The following PTPRD variants were observed in gnomAD, a reference collection of about 807,000 sequenced individuals.
PTPRD encodes the protein receptor-type tyrosine-protein phosphatase delta.
In PTPRD, 34 loss-of-function variants were observed where a neutral mutation model predicts 214.5. That is an observed-to-expected ratio of 0.16 (90% CI 0.12 to 0.21). The LOEUF (loss-of-function observed/expected upper bound fraction) is 0.21, where lower values mean the gene tolerates loss of function less well. Among genes scored for constraint, PTPRD ranks in the 10% least tolerant of loss-of-function variants. The pLI is 1.00. For missense variants in PTPRD, 2,545 were observed against 2,398.7 expected (o/e 1.06, Z -1.27); for synonymous variants, 1,128 against 845.7 (o/e 1.33, Z -5.79).
At chr9:8,635,184 T>C (rs1381174111) in intron 13 of PTPRD, among the ~76,000 whole-genome samples, 2 of 150,632 alleles carry the variant, frequency 1.3e-5, no homozygotes, top group Admixed American at 1.3e-4. Flanking sequence ...ACCCCAAAGG[T>C]GTTTATATGA....
chr9:10,193,502 G>A (rs1281389063), intron 3 of PTPRD, among the ~76,000 whole-genome samples: 1 of 152,074 alleles, frequency 6.6e-6, no homozygotes, highest in African/African-American at 2.4e-5. Context: ...GCAAACAAAT[G>A]TAAAAGCGGG....
intron 7 of PTPRD, among the ~76,000 whole-genome samples, chr9:9,609,118 A>G (rs1564028063): frequency 6.6e-6 from 1 of 152,204 alleles, no homozygotes; most frequent in Admixed American, 6.5e-5. Context: ...CAATTTGTGC[A>G]CATATACTTA....
chr9:8,621,073 G>C (rs2154300455), intron 14 of PTPRD, among the ~76,000 whole-genome samples: 1 of 152,050 alleles, frequency 6.6e-6, no homozygotes, highest in African/African-American at 2.4e-5. Context: ...ATACTAGTAA[G>C]TCTTCCCGGG....
At chr9:9,224,116 C>T (rs1395674301) in intron 9 of PTPRD, among the ~76,000 whole-genome samples, 2 of 152,082 alleles carry the variant, frequency 1.3e-5, no homozygotes, top group East Asian at 3.9e-4. Context: ...TTGGAGATTT[C>T]CTCAAGATTC....
intron 13 of PTPRD, among the ~76,000 whole-genome samples, chr9:8,634,963 G>C (rs1486320611): frequency 1.3e-5 from 2 of 150,874 alleles, no homozygotes; most frequent in Admixed American, 6.6e-5. Flanking sequence ...ACTTAGCACT[G>C]GGGATAGAAG....
At chr9:10,124,506 G>A (rs1052711761) in intron 3 of PTPRD, among the ~76,000 whole-genome samples, 1 of 152,094 alleles carries the variant, frequency 6.6e-6, no homozygotes, top group Non-Finnish European at 1.5e-5. Flanking sequence ...TGGATAAATA[G>A]CCAAGGATTT....
At chr9:10,504,186 AG>A (rs2045083234) in intron 2 of PTPRD, among the ~76,000 whole-genome samples, 1 of 148,530 alleles carries the variant, frequency 6.7e-6, no homozygotes, top group Admixed American at 6.8e-5. Flanking sequence ...TTGAGTCTAA[AG>A]CCAAAGGCGG....
chr9:10,346,901 T>A (rs868825598), intron 2 of PTPRD, among the ~76,000 whole-genome samples: 45 of 152,194 alleles, frequency 3.0e-4, no homozygotes, highest in African/African-American at 1.0e-3. Context: ...TCTGTCTAAT[T>A]ATCAATTTGT....
intron 9 of PTPRD, among the ~76,000 whole-genome samples, chr9:9,287,518 G>C (rs1194171505): frequency 3.3e-5 from 5 of 151,838 alleles, no homozygotes; most frequent in African/African-American, 1.2e-4. Flanking sequence ...AAATTACTCA[G>C]TACGTTATCA....
rs145467964 is a variant in PTPRD, at chr9:10,380,244, C to T, written c.-599-39227G>A. On this transcript the variant is annotated intron_variant, in intron 2 of 45. Transcript: ENST00000381196. ...GAAAGCATAATATCAAAAAGGAAAA[C>T]GCTGTCTTTCCTAAAACGCTTTGCT... 8.9e-4 allele frequency among the ~76,000 whole-genome samples: 135 copies of T among 152,124 alleles called. 1 individual carries two copies. Among genetic ancestry groups the T allele is most frequent in the African/African-American group, 3.2e-3 (131 of 41,548 alleles).
At chr9:9,425,226 T>C (rs1034690783) in intron 8 of PTPRD, among the ~76,000 whole-genome samples, 4 of 151,920 alleles carry the variant, frequency 2.6e-5, no homozygotes, top group African/African-American at 9.7e-5. Flanking sequence ...AGAAGAACCA[T>C]GGCAGCTGTC....
At chr9:8,559,266 G>T (rs1027706077) in intron 14 of PTPRD, among the ~76,000 whole-genome samples, 2 of 152,108 alleles carry the variant, frequency 1.3e-5, no homozygotes, top group Non-Finnish European at 2.9e-5. Flanking sequence ...GAACTATAAT[G>T]GTCCCAACAC....
At chr9:8,380,829 C>T (rs1361732525) in intron 37 of PTPRD, among the ~76,000 whole-genome samples, 1 of 152,082 alleles carries the variant, frequency 6.6e-6, no homozygotes. Flanking sequence ...ATTGTAGGCA[C>T]TTAATGAGCG....
chr9:8,952,749 A>C (rs2154306861), intron 11 of PTPRD, among the ~76,000 whole-genome samples: 1 of 152,060 alleles, frequency 6.6e-6, no homozygotes, highest in Non-Finnish European at 1.5e-5. Flanking sequence ...TGAAAGATTG[A>C]ATTCTAGGTA....
intron 8 of PTPRD, among the ~76,000 whole-genome samples, chr9:9,420,082 C>T (rs2078226650): frequency 7.5e-6 from 1 of 133,514 alleles, no homozygotes; most frequent in African/African-American, 2.8e-5. Context: ...TTTTAAAATG[C>T]ACATAGTGTA....
chr9:8,792,998 G>T (rs972698140), intron 11 of PTPRD, among the ~76,000 whole-genome samples: 3 of 152,160 alleles, frequency 2.0e-5, no homozygotes, highest in Non-Finnish European at 2.9e-5. Context: ...TGCCCCTGCT[G>T]CCAATAAGGA....
chr9:8,756,600 G>C (rs776988157), intron 11 of PTPRD, among the ~76,000 whole-genome samples: 1 of 152,000 alleles, frequency 6.6e-6, no homozygotes, highest in African/African-American at 2.4e-5. Flanking sequence ...ATAAAGCTCC[G>C]GAGTTCTAAC....
intron 7 of PTPRD, among the ~76,000 whole-genome samples, chr9:9,724,525 G>A (rs1428767170): frequency 6.6e-6 from 1 of 152,094 alleles, no homozygotes; most frequent in African/African-American, 2.4e-5. Context: ...ATTAAATCCT[G>A]TATAGAGCAG....
At chr9:9,501,004 T>A (rs977885798) in intron 8 of PTPRD, among the ~76,000 whole-genome samples, 1 of 151,944 alleles carries the variant, frequency 6.6e-6, no homozygotes, top group Non-Finnish European at 1.5e-5. Context: ...TACACACTGC[T>A]ATGGCTAAAA....
Sources: gnomAD v4.1 joint callset for allele counts (sites outside exome capture counted in the v4.1 genomes callset) on GRCh38, gnomAD v4.1.1 for gene constraint, MANE v1.5 for transcripts, NCBI Gene and HGNC (gene_info 2026-07-23, HGNC 2026-07-21) for gene names.